Variants in TOX2 observed in about 807,000 individuals in gnomAD.
The protein encoded by TOX2 is granulosa cell HMG box 1.
Under a neutral mutation model 47.4 loss-of-function variants are expected in TOX2, and 15 were observed. That is an observed-to-expected ratio of 0.32 (90% confidence interval 0.21 to 0.49). The LOEUF (loss-of-function observed/expected upper bound fraction) is 0.49, where lower values mean the gene tolerates loss of function less well. TOX2 is among the 20% of genes least tolerant of loss of function. The probability of loss-of-function intolerance (pLI) is 0.99; values close to 1 mark genes in which losing one functional copy is unlikely to be tolerated. For missense variants in TOX2, 622 were observed against 673.1 expected, an observed-to-expected ratio of 0.92 and a Z score of 0.84; for synonymous variants, 290 against 296.6, an observed-to-expected ratio of 0.98 and a Z score of 0.23.
At chr20:44,050,338 T>C (rs1343791878) in intron 3 of TOX2, among the ~76,000 whole-genome samples, 3 of 152,210 alleles carry the variant, frequency 2.0e-5, no homozygotes, top group Non-Finnish European at 4.4e-5. Context: ...TTGATTCTTT[T>C]GAGGAGAAAA....
chr20:44,057,778 G>A (rs1282806072), intron 5 of TOX2, among the ~76,000 whole-genome samples: 1 of 152,216 alleles, frequency 6.6e-6, no homozygotes, highest in Admixed American at 6.5e-5. Flanking sequence ...GGGCTCAGCA[G>A]GATGGTTCTG....
chr20:44,025,245 G>A (rs143186648), intron 3 of TOX2, among the ~76,000 whole-genome samples: 68 of 152,104 alleles, frequency 4.5e-4, no homozygotes, highest in Admixed American at 8.5e-4. Flanking sequence ...CCTTGGATGC[G>A]TCGAGCCTCT....
At chr20:44,061,740 T>C (rs2071721953) in intron 5 of TOX2, among the ~76,000 whole-genome samples, 1 of 152,102 alleles carries the variant, frequency 6.6e-6, no homozygotes, top group African/African-American at 2.4e-5. Context: ...CTCAGTACAA[T>C]ACTAGCTAAC....
chr20:43,958,643 A>G (rs377730430), intron 1 of TOX2, among the ~76,000 whole-genome samples: 1 of 152,206 alleles, frequency 6.6e-6, no homozygotes, highest in East Asian at 1.9e-4. Flanking sequence ...GGCCAGGTAC[A>G]TTGTAGGTGC....
intron 1 of TOX2, among the ~76,000 whole-genome samples, chr20:43,956,475 C>T (rs928015050): frequency 6.6e-6 from 1 of 150,492 alleles, no homozygotes; most frequent in Non-Finnish European, 1.5e-5. Context: ...GCAGGAGAAT[C>T]GCTTGAACCC....
At chr20:43,921,024 CT>C (rs2069107511) in intron 1 of TOX2, among the ~76,000 whole-genome samples, 1 of 152,208 alleles carries the variant, frequency 6.6e-6, no homozygotes. Context: ...TAACCTGTGG[CT>C]TGAGGAACTT....
intron 2 of TOX2, among the ~76,000 whole-genome samples, chr20:43,979,914 G>A (rs916047070): frequency 5.3e-5 from 8 of 152,276 alleles, no homozygotes; most frequent in African/African-American, 1.9e-4. Context: ...GGGAACCCTC[G>A]TACACTGTTG....
intron 1 of TOX2, among the ~76,000 whole-genome samples, chr20:43,919,997 C>G (rs1029750099): frequency 1.3e-5 from 2 of 152,232 alleles, no homozygotes; most frequent in Non-Finnish European, 2.9e-5. Context: ...GCTCCACCCC[C>G]AGAGATTGGA....
At chr20:43,990,648 G>A (rs954286720) in intron 2 of TOX2, among the ~76,000 whole-genome samples, 1 of 152,168 alleles carries the variant, frequency 6.6e-6, no homozygotes, top group Non-Finnish European at 1.5e-5. Context: ...TATCAGGCAA[G>A]GTTGCAGGAC....
At chr20:44,011,872 G>A (rs377125468) in intron 3 of TOX2, among the ~76,000 whole-genome samples, 3 of 152,218 alleles carry the variant, frequency 2.0e-5, no homozygotes, top group East Asian at 3.8e-4. Flanking sequence ...GGCGTGGGTG[G>A]GAGTTAGCTT....
chr20:43,976,773 A>AGCGCGC (rs33946078), intron 2 of TOX2, among the ~76,000 whole-genome samples: 3 of 139,016 alleles, frequency 2.2e-5, no homozygotes, highest in Non-Finnish European at 3.0e-5. Flanking sequence ...TCACAACGCG[A>AGCGCGC]GCGCGCGCGC....
At chr20:44,012,465 G>C (rs1222238461) in intron 3 of TOX2, among the ~76,000 whole-genome samples, 1 of 152,192 alleles carries the variant, frequency 6.6e-6, no homozygotes, top group Non-Finnish European at 1.5e-5. Context: ...AGATTCTGCT[G>C]ATCAGGGAAA....
intron 1 of TOX2, among the ~76,000 whole-genome samples, chr20:43,947,624 C>A (rs1600671096): frequency 6.6e-6 from 1 of 152,194 alleles, no homozygotes. Flanking sequence ...AATAGGAATT[C>A]TTTGTGTTTC....
chr20:44,031,291 C>T lies in TOX2; in HGVS notation c.412-20015C>T, dbSNP rs113362127. 5.5e-3 allele frequency among the ~76,000 whole-genome samples: 844 copies of T among 152,220 alleles called. 3 individuals are homozygous for T. The highest frequency in any genetic ancestry group is 0.01 in the Non-Finnish European group (684 of 68,014). On this transcript the variant is annotated intron_variant, in intron 3 of 8. Coordinates refer to ENST00000341197, the MANE Select transcript of TOX2 (RefSeq NM_001098797.2). Reference sequence around the variant, plus strand: ...TCCTTGGTAGCATAAAATAGTACTGCGCTGGAATAAGCCTGTATGACTGAG... The same window carrying T: ...TCCTTGGTAGCATAAAATAGTACTGTGCTGGAATAAGCCTGTATGACTGAG...
In TOX2 at chr20:43,957,619, C is replaced by A. The variant is rs553426729; in HGVS notation, c.100-15748C>A. The stretch of plus-strand genomic sequence containing the variant: ...AACAAATATTTATTTTCTCACAGGG[C>A]TAGAGGTCAGAAGTATGAGATCAAG... On this transcript the variant is annotated intron_variant, in intron 1 of 8. Transcript: ENST00000341197. 5.7e-4 allele frequency among the ~76,000 whole-genome samples: 82 copies of A among 144,302 alleles called. No homozygotes were observed. In the East Asian group the frequency reaches 0.016, roughly 28 times the overall value. 94.7% of individuals were successfully genotyped at this position (144,302 alleles called of 152,430 possible). A position where few individuals can be genotyped will look rare whatever the true frequency, so the allele number is the denominator to read the frequency against.
At position 43,966,903 on chromosome 20, in the gene TOX2, T is replaced by A. The variant is rs958513008; in HGVS notation, c.100-6464T>A. Among the ~76,000 whole-genome samples, 3 of 152,058 alleles carry A rather than the reference T, an allele frequency of 2.0e-5. No homozygotes were observed. The East Asian group carries it at 5.8e-4, about 29-fold the overall frequency. On this transcript the variant is annotated intron_variant, in intron 1 of 8. Coordinates refer to ENST00000341197, the MANE Select transcript of TOX2 (RefSeq NM_001098797.2). Reference sequence around the variant, plus strand: ...GGTTTGGATCTGAGGAGTGAAGCGATTGCCCAAATATCGCTAGTGATAGCC... The same window carrying A: ...GGTTTGGATCTGAGGAGTGAAGCGAATGCCCAAATATCGCTAGTGATAGCC...
At chr20:44,043,568 A>C (rs776234933) in intron 3 of TOX2, among the ~76,000 whole-genome samples, 1 of 152,212 alleles carries the variant, frequency 6.6e-6, no homozygotes. Context: ...CTGCATTGGC[A>C]GCTGTAGGTC....
chr20:44,013,328 TCTC>T (rs528095859), intron 3 of TOX2, among the ~76,000 whole-genome samples: 140 of 152,266 alleles, frequency 9.2e-4, no homozygotes, highest in African/African-American at 3.3e-3. Context: ...CTCCTTTCTC[TCTC>T]CTCTTCTCTT....
At chr20:43,990,184 C>T (rs546373905) in intron 2 of TOX2, among the ~76,000 whole-genome samples, 34 of 152,344 alleles carry the variant, frequency 2.2e-4, no homozygotes, top group Middle Eastern at 6.8e-3. Flanking sequence ...GATACCTCTA[C>T]ACATGGTAAG....
Sources: allele counts gnomAD v4.1 joint callset (sites outside exome capture counted in the v4.1 genomes callset), GRCh38; gene constraint gnomAD v4.1.1; transcripts MANE v1.5; gene names NCBI Gene and HGNC (gene_info 2026-07-23, HGNC 2026-07-21).